The following TMEM132D variants were observed in gnomAD, a reference collection of about 807,000 sequenced individuals.
The protein encoded by TMEM132D is mature OL transmembrane protein.
TMEM132D carries 21 observed loss-of-function variants against 62.3 expected under a neutral mutation model. The observed-to-expected ratio is 0.34, with a 90% CI of 0.24 to 0.49. The LOEUF (loss-of-function observed/expected upper bound fraction) is 0.49. TMEM132D is among the 20% of genes least tolerant of loss of function. TMEM132D has a pLI of 0.99. For missense variants in TMEM132D, 1,346 were observed against 1,402.8 expected (o/e 0.96, Z 0.65); for synonymous variants, 621 against 575.6 (o/e 1.08, Z -1.13).
chr12:129,673,792 C>T (rs1880564391), intron 2 of TMEM132D, among the ~76,000 whole-genome samples: 1 of 152,162 alleles, frequency 6.6e-6, no homozygotes, highest in Admixed American at 6.6e-5. Flanking sequence ...CCTTAGCAAT[C>T]TGAGAGTCCC....
chr12:129,530,120 A>C (rs1341652504), intron 3 of TMEM132D, among the ~76,000 whole-genome samples: 2 of 152,206 alleles, frequency 1.3e-5, no homozygotes, highest in Non-Finnish European at 2.9e-5. Flanking sequence ...AAAAGAATCC[A>C]AATCAAATCA....
intron 5 of TMEM132D, among the ~76,000 whole-genome samples, chr12:129,188,771 GAGAGA>G (rs1878297900): frequency 9.6e-5 from 2 of 20,914 alleles, no homozygotes; most frequent in East Asian, 7.8e-4. Context: ...GGGAGAGAGA[GAGAGA>G]GAGAGAGAGA....
chr12:129,381,473 T>A (rs186643207), intron 3 of TMEM132D, among the ~76,000 whole-genome samples: 3 of 152,288 alleles, frequency 2.0e-5, no homozygotes, highest in African/African-American at 7.2e-5. Context: ...TTTTTAAAAC[T>A]TTACTAAAGA....
chr12:129,423,491 G>A (rs549379821), intron 3 of TMEM132D, among the ~76,000 whole-genome samples: 80 of 152,282 alleles, frequency 5.3e-4, no homozygotes, highest in African/African-American at 1.8e-3. Context: ...AAATCTGGAT[G>A]ATTTGTAGGG....
At chr12:129,623,714 CAT>C (rs1036477808) in intron 2 of TMEM132D, among the ~76,000 whole-genome samples, 10 of 144,870 alleles carry the variant, frequency 6.9e-5, no homozygotes, top group African/African-American at 2.1e-4. Flanking sequence ...CATACATATG[CAT>C]ATATATACAT....
chr12:129,648,713 G>C (rs1375299144), intron 2 of TMEM132D, among the ~76,000 whole-genome samples: 1 of 152,072 alleles, frequency 6.6e-6, no homozygotes. Context: ...TCACCAAAGT[G>C]GTGCCTAAAC....
chr12:129,849,768 A>G (rs933768862), intron 1 of TMEM132D, among the ~76,000 whole-genome samples: 1 of 152,328 alleles, frequency 6.6e-6, no homozygotes, highest in South Asian at 2.1e-4. Flanking sequence ...CAACAGTCCT[A>G]TAAATTATGA....
chr12:129,152,812 G>A (rs898976677), intron 5 of TMEM132D, among the ~76,000 whole-genome samples: 2 of 152,156 alleles, frequency 1.3e-5, no homozygotes, highest in Non-Finnish European at 2.9e-5. Flanking sequence ...TCTGCAAACC[G>A]TTTCCCGGGC....
chr12:129,440,062 CG>C (rs997688817), intron 3 of TMEM132D, among the ~76,000 whole-genome samples: 1 of 152,164 alleles, frequency 6.6e-6, no homozygotes, highest in African/African-American at 2.4e-5. Flanking sequence ...TGACCAAGTA[CG>C]GGTGTGCAAT....
At chr12:129,834,036 C>T (rs1480302496) in intron 1 of TMEM132D, among the ~76,000 whole-genome samples, 1 of 152,204 alleles carries the variant, frequency 6.6e-6, no homozygotes, top group African/African-American at 2.4e-5. Flanking sequence ...TCTTCCTCCC[C>T]AGGAACTTTC....
At chr12:129,201,664 A>G (rs972419372) in intron 5 of TMEM132D, among the ~76,000 whole-genome samples, 2 of 152,216 alleles carry the variant, frequency 1.3e-5, no homozygotes, top group African/African-American at 4.8e-5. Flanking sequence ...GATGTGAACC[A>G]GTTCTGAGGC....
chr12:129,650,137 T>C (rs1879891139), intron 2 of TMEM132D, among the ~76,000 whole-genome samples: 1 of 152,228 alleles, frequency 6.6e-6, no homozygotes, highest in Non-Finnish European at 1.5e-5. Context: ...AAATACATTG[T>C]CAATGCACAA....
chr12:129,463,489 T>C (rs868697596), intron 3 of TMEM132D, among the ~76,000 whole-genome samples: 2 of 142,986 alleles, frequency 1.4e-5, no homozygotes, highest in Non-Finnish European at 3.1e-5. Context: ...TTATTATTAT[T>C]ATACTTTAAG....
At chr12:129,830,921 G>A (rs1215452015) in intron 1 of TMEM132D, among the ~76,000 whole-genome samples, 1 of 152,108 alleles carries the variant, frequency 6.6e-6, no homozygotes, top group African/African-American at 2.4e-5. Context: ...AAATTTCTAA[G>A]TCACGAGAAT....
intron 3 of TMEM132D, among the ~76,000 whole-genome samples, chr12:129,474,641 G>C (rs1384169356): frequency 2.0e-5 from 3 of 152,206 alleles, no homozygotes; most frequent in Admixed American, 1.3e-4. Context: ...CGCGTTGACA[G>C]CTGAATATCC....
intron 1 of TMEM132D, among the ~76,000 whole-genome samples, chr12:129,736,931 C>A (rs535246367): frequency 1.3e-5 from 2 of 151,914 alleles, no homozygotes; most frequent in Non-Finnish European, 2.9e-5. Context: ...GATTCTCCTG[C>A]CTCAGCCTCC....
intron 3 of TMEM132D, among the ~76,000 whole-genome samples, chr12:129,505,219 T>G (rs2137070106): frequency 6.6e-6 from 1 of 151,298 alleles, no homozygotes; most frequent in South Asian, 2.1e-4. Context: ...TGTAAATACC[T>G]GTTAAGTCCA....
chr12:129,470,873 T>C (rs572627205), intron 3 of TMEM132D, among the ~76,000 whole-genome samples: 16 of 152,194 alleles, frequency 1.1e-4, no homozygotes, highest in African/African-American at 3.4e-4. Context: ...GGATGGGCTA[T>C]GCATAAGTCA....
intron 3 of TMEM132D, among the ~76,000 whole-genome samples, chr12:129,464,172 T>C (rs1873797059): frequency 6.6e-6 from 1 of 151,276 alleles, no homozygotes; most frequent in Non-Finnish European, 1.5e-5. Context: ...CCATTCTCAC[T>C]GGTGTGAGAT....
Sources: allele counts gnomAD v4.1 joint callset (sites outside exome capture counted in the v4.1 genomes callset), GRCh38; gene constraint gnomAD v4.1.1; transcripts MANE v1.5; gene names NCBI Gene and HGNC (gene_info 2026-07-23, HGNC 2026-07-21).